CNBD1: variants seen among roughly 807,000 people sequenced by gnomAD.
CNBD1 encodes the protein cyclic nucleotide binding domain containing 1.
In CNBD1, 71 loss-of-function variants were observed where a neutral mutation model predicts 54.4. That is an observed-to-expected ratio of 1.30 (90% CI 1.08 to 1.59). CNBD1 has a LOEUF of 1.59. Among genes scored for constraint, CNBD1 ranks in the 40% most tolerant of loss-of-function variants. The probability of loss-of-function intolerance (pLI) is 0.00; values close to 1 mark genes in which losing one functional copy is unlikely to be tolerated. For synonymous variants in CNBD1, 182 were observed against 170.7 expected, an observed-to-expected ratio of 1.07 and a Z score of -0.51; for missense variants, 659 against 518.0, an observed-to-expected ratio of 1.27 and a Z score of -2.64.
At chr8:86,908,850 C>G (rs1436659981) in intron 3 of CNBD1, among the ~76,000 whole-genome samples, 1 of 150,442 alleles carries the variant, frequency 6.6e-6, no homozygotes, top group Non-Finnish European at 1.5e-5. Context: ...ACTGCAACCT[C>G]CGCCTCCCAG....
chr8:86,866,903 A>G (rs1196631890), intron 1 of CNBD1, among the ~76,000 whole-genome samples: 3 of 152,196 alleles, frequency 2.0e-5, no homozygotes, highest in Non-Finnish European at 2.9e-5. Flanking sequence ...ACCAGCTATC[A>G]GGTTCCTTTT....
At chr8:86,988,551 T>C (rs1052298940) in intron 4 of CNBD1, among the ~76,000 whole-genome samples, 4 of 152,146 alleles carry the variant, frequency 2.6e-5, no homozygotes, top group Non-Finnish European at 5.9e-5. Flanking sequence ...ATTATACTGT[T>C]TTAATTATTT....
intron 8 of CNBD1, among the ~76,000 whole-genome samples, chr8:87,345,643 A>G (rs1023347505): frequency 3.3e-5 from 5 of 152,244 alleles, no homozygotes; most frequent in African/African-American, 9.6e-5. Context: ...TATCACTTAA[A>G]TGGTGTCAGA....
At chr8:87,285,236 A>G (rs149708784) in intron 7 of CNBD1, among the ~76,000 whole-genome samples, 172 of 152,260 alleles carry the variant, frequency 1.1e-3, no homozygotes, top group African/African-American at 3.9e-3. Context: ...CTTGAATGTG[A>G]TTGCCATGAT....
At position 86,985,632 on chromosome 8, in the gene CNBD1, A is replaced by G. The variant is rs192939963; in HGVS notation, c.431+45878A>G. On this transcript the variant is annotated intron_variant, in intron 4 of 10. Coordinates refer to ENST00000518476, the MANE Select transcript of CNBD1 (RefSeq NM_173538.3). The stretch of plus-strand genomic sequence containing the variant: ...GTGTACTACATTTCCTTTAACCAGT[A>G]CACCATTGAATAACACTGCAATGAA... Among the ~76,000 whole-genome samples, 7 of 152,258 alleles carry G rather than the reference A, an allele frequency of 4.6e-5. No homozygotes were observed. In the East Asian group the frequency reaches 9.7e-4, roughly 21 times the overall value.
intron 8 of CNBD1, among the ~76,000 whole-genome samples, chr8:87,299,423 A>C (rs1378391461): frequency 6.6e-6 from 1 of 152,212 alleles, no homozygotes; most frequent in Non-Finnish European, 1.5e-5. Context: ...TGTAATAAAC[A>C]GAAAGAAATA....
In CNBD1 at chr8:86,903,848, T is replaced by A. The variant is rs1306400245; in HGVS notation, c.159-1233T>A. Among the ~76,000 whole-genome samples, 12 of 134,696 alleles carry A rather than the reference T, an allele frequency of 8.9e-5. No individual in the cohort carries two copies. In the Admixed American group the frequency reaches 9.7e-4, roughly 11 times the overall value. The allele number at this position is 134,696 out of a possible 152,430, so 88.4% of individuals were successfully genotyped here. A position where few individuals can be genotyped will look rare whatever the true frequency, so the allele number is the denominator to read the frequency against. Reference sequence around the variant, plus strand: ...ATGTGTAAAACAGATGATTGTAGAATGTGAGTTACAAACAGAATTTTTTTT... The same window carrying A: ...ATGTGTAAAACAGATGATTGTAGAAAGTGAGTTACAAACAGAATTTTTTTT... On this transcript the variant is annotated intron_variant, in intron 2 of 10. Transcript: ENST00000518476.
At chr8:87,190,851 A>G (rs1333119914) in intron 4 of CNBD1, among the ~76,000 whole-genome samples, 1 of 150,456 alleles carries the variant, frequency 6.6e-6, no homozygotes, top group Non-Finnish European at 1.5e-5. Context: ...ATATAGATAC[A>G]TGTACCTATA....
intron 4 of CNBD1, among the ~76,000 whole-genome samples, chr8:86,988,465 C>T (rs922937227): frequency 1.3e-5 from 2 of 151,966 alleles, no homozygotes; most frequent in Non-Finnish European, 1.5e-5. Context: ...ATAATCATAT[C>T]AGAGGTATCC....
In CNBD1 at chr8:87,237,066, A is replaced by G; in HGVS notation, c.725A>G (p.Lys242Arg). ...AGCTTCATTTGGAGTGAAGAATTCA[A>G]AAACTCTACACTTGCTGAGATGTAC... is the stretch of plus-strand genomic sequence containing the variant. ...FHSFIWSEEF[K>R]NSTLAEMYLP... The change falls in exon 6 of 11, where the codon AAA (lysine) becomes AGA (arginine). Residue 242 changes from lysine (K) to arginine (R), a missense_variant. Lys to Arg is a conservative substitution (Grantham distance 26). Coordinates refer to ENST00000518476, the MANE Select transcript of CNBD1 (RefSeq NM_173538.3). 1 of 1,612,392 alleles carries G rather than the reference A, an allele frequency of 6.2e-7. No homozygotes were observed. Among genetic ancestry groups the G allele is most frequent in the East Asian group, 2.2e-5 (1 of 44,820 alleles).
chr8:86,899,846 C>T (rs573840298), intron 2 of CNBD1, among the ~76,000 whole-genome samples: 2 of 152,164 alleles, frequency 1.3e-5, no homozygotes, highest in African/African-American at 4.8e-5. Flanking sequence ...CTACTCCATT[C>T]TCCTTCAAGA....
chr8:86,880,341 A>G (rs571010980), intron 1 of CNBD1, among the ~76,000 whole-genome samples: 27 of 42,350 alleles, frequency 6.4e-4, no homozygotes, highest in African/African-American at 1.9e-3. Flanking sequence ...TAGAAAAAAT[A>G]AAAAAAAACG....
intron 3 of CNBD1, among the ~76,000 whole-genome samples, chr8:86,917,197 G>T (rs1290682890): frequency 6.6e-6 from 1 of 152,058 alleles, no homozygotes; most frequent in Admixed American, 6.6e-5. Context: ...CACCTTCTAG[G>T]ACAATGATAA....
chr8:87,127,147 C>T (rs769624023), intron 4 of CNBD1, among the ~76,000 whole-genome samples: 5 of 151,896 alleles, frequency 3.3e-5, no homozygotes, highest in Non-Finnish European at 7.4e-5. Flanking sequence ...ATTCTAGGTC[C>T]TTTGAATTTC....
intron 8 of CNBD1, among the ~76,000 whole-genome samples, chr8:87,305,212 A>G (rs1432597499): frequency 1.3e-5 from 2 of 152,098 alleles, no homozygotes; most frequent in Admixed American, 1.3e-4. Context: ...AAGTTGAAAG[A>G]CCTCTACAAG....
intron 2 of CNBD1, among the ~76,000 whole-genome samples, chr8:87,425,623 G>C (rs1416461364): frequency 6.6e-6 from 1 of 152,100 alleles, no homozygotes; most frequent in Non-Finnish European, 1.5e-5. Context: ...CTCCCAGTTA[G>C]GCTGCTCGGG....
chr8:87,010,606 C>T (rs2099404011), intron 4 of CNBD1, among the ~76,000 whole-genome samples: 1 of 151,854 alleles, frequency 6.6e-6, no homozygotes, highest in African/African-American at 2.4e-5. Flanking sequence ...AAATCCAGGC[C>T]TGATGGTACA....
intron 1 of CNBD1, 30 bp from the exon 2 acceptor site, chr8:86,887,512 T>G (rs1162596946): frequency 2.1e-6 from 3 of 1,400,930 alleles, no homozygotes; most frequent in Non-Finnish European, 3.0e-6. Context: ...TATGGAAAAT[T>G]ACTCAAATTT....
At chr8:86,935,433 ATT>A (rs1171560883) in intron 3 of CNBD1, among the ~76,000 whole-genome samples, 10 of 152,192 alleles carry the variant, frequency 6.6e-5, no homozygotes, top group Non-Finnish European at 1.5e-5. Context: ...TCTTTAAAAT[ATT>A]TGAACAATTA....
Sources: allele counts gnomAD v4.1 joint callset (sites outside exome capture counted in the v4.1 genomes callset), GRCh38; gene constraint gnomAD v4.1.1; transcripts MANE v1.5; gene names NCBI Gene and HGNC (gene_info 2026-07-23, HGNC 2026-07-21).